WDR70: variants seen among roughly 807,000 people sequenced by gnomAD.
The protein encoded by WDR70 is WD repeat domain 70, also known as WD repeat-containing protein 70.
WDR70 carries 53 observed loss-of-function variants against 88.6 expected under a neutral mutation model. The observed-to-expected ratio is 0.60, with a 90% CI of 0.48 to 0.75. WDR70 has a LOEUF of 0.75. Ranked by LOEUF, WDR70 falls within the 30% of genes least tolerant of loss-of-function variation. The pLI is 0.00. For synonymous variants in WDR70, 280 were observed against 270.0 expected (o/e 1.04, Z -0.36); for missense variants, 610 against 823.2 (o/e 0.74, Z 3.17).
At chr5:37,574,627 A>T (rs1052963372) in intron 9 of WDR70, among the ~76,000 whole-genome samples, 1 of 152,122 alleles carries the variant, frequency 6.6e-6, no homozygotes, top group African/African-American at 2.4e-5. Flanking sequence ...TGACCTCCAG[A>T]CTTACAGATC....
At chr5:37,710,232 T>C (rs1035188306) in intron 13 of WDR70, among the ~76,000 whole-genome samples, 2 of 152,176 alleles carry the variant, frequency 1.3e-5, no homozygotes, top group African/African-American at 4.8e-5. Flanking sequence ...TTGATCTTTT[T>C]AAGAAAGCAT....
chr5:37,564,333 G>C (rs1313513186), intron 9 of WDR70, among the ~76,000 whole-genome samples: 3 of 152,230 alleles, frequency 2.0e-5, no homozygotes, highest in Admixed American at 1.3e-4. Flanking sequence ...AGACCAGCCC[G>C]GCCAACACAG....
intron 8 of WDR70, among the ~76,000 whole-genome samples, chr5:37,500,378 G>T (rs988821209): frequency 6.6e-6 from 1 of 152,158 alleles, no homozygotes; most frequent in Non-Finnish European, 1.5e-5. Flanking sequence ...TTGCAATTGT[G>T]AACTGTGCTG....
intron 5 of WDR70, among the ~76,000 whole-genome samples, chr5:37,400,490 T>C (rs1749158783): frequency 6.6e-6 from 1 of 152,152 alleles, no homozygotes; most frequent in Non-Finnish European, 1.5e-5. Flanking sequence ...CTCATAGAAT[T>C]AGTGTCTTTA....
At chr5:37,638,349 C>T (rs926934144) in intron 10 of WDR70, among the ~76,000 whole-genome samples, 4 of 152,178 alleles carry the variant, frequency 2.6e-5, no homozygotes, top group South Asian at 2.1e-4. Flanking sequence ...GTGTGGACTT[C>T]GGAAGTATGC....
intron 17 of WDR70, among the ~76,000 whole-genome samples, chr5:37,733,454 C>T (rs1015248861): frequency 6.6e-6 from 1 of 152,056 alleles, no homozygotes; most frequent in Non-Finnish European, 1.5e-5. Context: ...TTGGTTTAAC[C>T]AGTTGCTGTA....
chr5:37,573,446 T>C (rs1742967923), intron 9 of WDR70, among the ~76,000 whole-genome samples: 1 of 152,072 alleles, frequency 6.6e-6, no homozygotes, highest in African/African-American at 2.4e-5. Context: ...TTGTTACATA[T>C]GTATACATGT....
chr5:37,391,679 G>T lies in WDR70; in HGVS notation c.176-321G>T, dbSNP rs116133086. ...GCAGTTATCTACAGATGGATACTTT[G>T]GTTGCTTCTACATTTTAGCTGTTGT... On this transcript the variant is annotated intron_variant, in intron 3 of 17. Coordinates refer to ENST00000265107, the MANE Select transcript of WDR70 (RefSeq NM_018034.4). Among the ~76,000 whole-genome samples, 344 of 152,240 alleles carry T rather than the reference G, an allele frequency of 2.3e-3. 3 individuals are homozygous for T. Among genetic ancestry groups the T allele is most frequent in the Middle Eastern group, 0.01 (3 of 294 alleles).
chr5:37,693,499 G>A (rs2112642948), intron 10 of WDR70, among the ~76,000 whole-genome samples: 1 of 152,234 alleles, frequency 6.6e-6, no homozygotes. Flanking sequence ...CATGGTACTG[G>A]TACCAAAACA....
At chr5:37,509,625 G>A (rs977447545) in intron 8 of WDR70, among the ~76,000 whole-genome samples, 11 of 152,094 alleles carry the variant, frequency 7.2e-5, no homozygotes, top group African/African-American at 2.7e-4. Context: ...GTGTGCACTT[G>A]TAAGGAATGT....
intron 10 of WDR70, among the ~76,000 whole-genome samples, chr5:37,666,199 A>T (rs1395791258): frequency 6.6e-6 from 1 of 152,202 alleles, no homozygotes; most frequent in African/African-American, 2.4e-5. Context: ...TTCAATTAAA[A>T]GCTGAATTGG....
In WDR70 at chr5:37,704,745, T is replaced by C. The variant is rs574695389; in HGVS notation, c.1416+1658T>C. Among the ~76,000 whole-genome samples, 4 of 152,328 alleles carry C rather than the reference T, an allele frequency of 2.6e-5. No individual in the cohort carries two copies. The South Asian group carries it at 8.3e-4, about 32-fold the overall frequency. The stretch of plus-strand genomic sequence containing the variant: ...ATGAGTGAGAGATATACTTGGGAAG[T>C]GCAAGTAAGGCATATTGTAGATCAT... On this transcript the variant is annotated intron_variant, in intron 13 of 17. Transcript: ENST00000265107.
chr5:37,516,445 C>CA (rs1167916023), intron 8 of WDR70, 69 bp from the exon 9 acceptor site: 33 of 855,690 alleles, frequency 3.9e-5, no homozygotes, highest in Non-Finnish European at 6.1e-5. Flanking sequence ...AATGACATGT[C>CA]AGTTTCTAGT....
At position 37,583,212 on chromosome 5, in the gene WDR70, G is replaced by A. The variant is rs544636390; in HGVS notation, c.918-21852G>A. ...GAGGCCAAAGCAGGTGGATCACGAG[G>A]TGAGGAGACTGAGACCATCCCGGCT... is the stretch of plus-strand genomic sequence containing the variant. On this transcript the variant is annotated intron_variant, in intron 9 of 17. Coordinates refer to ENST00000265107, the MANE Select transcript of WDR70 (RefSeq NM_018034.4). 2.6e-5 allele frequency among the ~76,000 whole-genome samples: 4 copies of A among 152,246 alleles called. No homozygotes were observed. The East Asian group carries it at 7.7e-4, about 29-fold the overall frequency.
At chr5:37,504,079 C>A (rs1388889126) in intron 8 of WDR70, among the ~76,000 whole-genome samples, 1 of 152,056 alleles carries the variant, frequency 6.6e-6, no homozygotes, top group Admixed American at 6.6e-5. Flanking sequence ...GGGCTGTCAT[C>A]CATTTTGCAT....
intron 10 of WDR70, among the ~76,000 whole-genome samples, chr5:37,640,170 G>A (rs757471407): frequency 2.6e-5 from 4 of 152,050 alleles, no homozygotes; most frequent in Admixed American, 6.6e-5. Flanking sequence ...TTTATACACA[G>A]CTTACAGAGA....
intron 9 of WDR70, among the ~76,000 whole-genome samples, chr5:37,546,493 A>G (rs193199808): frequency 6.6e-6 from 1 of 152,232 alleles, no homozygotes; most frequent in Non-Finnish European, 1.5e-5. Context: ...AATAATTCCT[A>G]TATAGGGATT....
chr5:37,611,798 A>ATTT (rs1744200633), intron 10 of WDR70, among the ~76,000 whole-genome samples: 23 of 142,820 alleles, frequency 1.6e-4, no homozygotes, highest in African/African-American at 3.9e-4. Context: ...TTTTTTTTTA[A>ATTT]AAAAAAACTT....
intron 9 of WDR70, among the ~76,000 whole-genome samples, chr5:37,604,672 C>T (rs963389942): frequency 3.9e-5 from 6 of 152,182 alleles, no homozygotes; most frequent in African/African-American, 1.2e-4. Context: ...ATGTTAAAAA[C>T]AGTGCATTAA....
Sources: gnomAD v4.1 joint callset for allele counts (sites outside exome capture counted in the v4.1 genomes callset) on GRCh38, gnomAD v4.1.1 for gene constraint, MANE v1.5 for transcripts, NCBI Gene and HGNC (gene_info 2026-07-23, HGNC 2026-07-21) for gene names.